Variants in KCNH7 observed in about 807,000 individuals in gnomAD.
The protein encoded by KCNH7 is voltage-gated inwardly rectifying potassium channel KCNH7.
A neutral mutation model predicts 120.8 loss-of-function variants in KCNH7; 49 were observed. The ratio of observed to expected loss-of-function variants is 0.41; its 90% CI spans 0.32 to 0.51. The LOEUF (loss-of-function observed/expected upper bound fraction) is 0.51, where lower values mean the gene tolerates loss of function less well. KCNH7 is among the 20% of genes least tolerant of loss of function. KCNH7 has a pLI of 0.38. For missense variants in KCNH7, 1,097 were observed against 1,446.6 expected, an observed-to-expected ratio of 0.76 and a Z score of 3.92; for synonymous variants, 547 against 516.1, an observed-to-expected ratio of 1.06 and a Z score of -0.81.
At chr2:162,767,931 G>A (rs1395242517) in intron 2 of KCNH7, among the ~76,000 whole-genome samples, 1 of 152,140 alleles carries the variant, frequency 6.6e-6, no homozygotes, top group Non-Finnish European at 1.5e-5. Flanking sequence ...GTCCTATGCT[G>A]TAAATTGAAA....
chr2:162,547,249 C>A (rs1433521126), intron 2 of KCNH7, among the ~76,000 whole-genome samples: 2 of 152,114 alleles, frequency 1.3e-5, no homozygotes, highest in Non-Finnish European at 2.9e-5. Flanking sequence ...CTCTTCCCAC[C>A]AGGTCTCTCT....
chr2:162,633,653 T>G (rs1020896105), intron 2 of KCNH7, among the ~76,000 whole-genome samples: 2 of 152,014 alleles, frequency 1.3e-5, no homozygotes, highest in Non-Finnish European at 2.9e-5. Flanking sequence ...AAACTGATTT[T>G]TTGCAGGTGA....
At chr2:162,546,833 A>G (rs779585382) in intron 2 of KCNH7, among the ~76,000 whole-genome samples, 5 of 151,734 alleles carry the variant, frequency 3.3e-5, no homozygotes, top group African/African-American at 7.3e-5. Context: ...AAACATGACT[A>G]AAAACAGGGA....
intron 2 of KCNH7, among the ~76,000 whole-genome samples, chr2:162,584,079 C>T (rs1417190468): frequency 6.6e-6 from 1 of 152,052 alleles, no homozygotes; most frequent in Non-Finnish European, 1.5e-5. Context: ...CAGGTCACAC[C>T]TTGCATTTAT....
At chr2:162,532,763 C>T (rs1173920516) in intron 3 of KCNH7, among the ~76,000 whole-genome samples, 1 of 151,858 alleles carries the variant, frequency 6.6e-6, no homozygotes, top group Non-Finnish European at 1.5e-5. Context: ...GAAGTATATA[C>T]ACATTATCTA....
chr2:162,652,479 C>T (rs545215317), intron 2 of KCNH7, among the ~76,000 whole-genome samples: 4 of 152,220 alleles, frequency 2.6e-5, no homozygotes, highest in Admixed American at 6.5e-5. Context: ...AACTGTTCCA[C>T]CTCAGATCAT....
At chr2:162,438,494 C>T (rs1688324959) in intron 7 of KCNH7, among the ~76,000 whole-genome samples, 1 of 152,052 alleles carries the variant, frequency 6.6e-6, no homozygotes, top group Non-Finnish European at 1.5e-5. Context: ...ACATGTATGA[C>T]AGTATTCATG....
chr2:162,512,261 A>T (rs1239054639), intron 5 of KCNH7, among the ~76,000 whole-genome samples: 1 of 151,854 alleles, frequency 6.6e-6, no homozygotes, highest in Non-Finnish European at 1.5e-5. Context: ...AAGTGAAGTG[A>T]TGCTGTCATG....
chr2:162,681,601 G>C (rs964948456), intron 2 of KCNH7, among the ~76,000 whole-genome samples: 3 of 151,584 alleles, frequency 2.0e-5, no homozygotes, highest in Admixed American at 1.3e-4. Flanking sequence ...CATACTGTTC[G>C]TGTTGGATGA....
At chr2:162,600,304 C>T (rs939226886) in intron 2 of KCNH7, among the ~76,000 whole-genome samples, 1 of 152,056 alleles carries the variant, frequency 6.6e-6, no homozygotes, top group Non-Finnish European at 1.5e-5. Context: ...TTAAATGAGA[C>T]CAAGCAGCTC....
At chr2:162,538,349 A>AT (rs1692183609) in intron 2 of KCNH7, among the ~76,000 whole-genome samples, 1 of 152,062 alleles carries the variant, frequency 6.6e-6, no homozygotes, top group African/African-American at 2.4e-5. Context: ...GATTTAGGAA[A>AT]TGTGTCCATT....
intron 2 of KCNH7, among the ~76,000 whole-genome samples, chr2:162,721,873 T>C (rs906180051): frequency 6.6e-6 from 1 of 152,072 alleles, no homozygotes; most frequent in Non-Finnish European, 1.5e-5. Flanking sequence ...GGAAAAATGA[T>C]GGCGGAATAA....
chr2:162,510,640 T>C (rs879689925), intron 5 of KCNH7, among the ~76,000 whole-genome samples: 3 of 151,668 alleles, frequency 2.0e-5, no homozygotes, highest in Non-Finnish European at 3.0e-5. Context: ...CCAAAAAATG[T>C]TTTTTGGTTG....
intron 2 of KCNH7, among the ~76,000 whole-genome samples, chr2:162,777,918 A>G (rs1009735534): frequency 1.3e-5 from 2 of 152,188 alleles, no homozygotes; most frequent in African/African-American, 4.8e-5. Context: ...CAGATTTTAT[A>G]TAATTTATAA....
At chr2:162,590,863 T>C (rs1016813534) in intron 2 of KCNH7, among the ~76,000 whole-genome samples, 4 of 152,138 alleles carry the variant, frequency 2.6e-5, no homozygotes, top group Non-Finnish European at 4.4e-5. Flanking sequence ...AATTAGAGCA[T>C]GTCATTAATG....
intron 12 of KCNH7, 98 bp from the exon 13 acceptor site, chr2:162,385,037 C>T (rs1686534170): frequency 4.4e-6 from 4 of 909,260 alleles, no homozygotes; most frequent in Non-Finnish European, 6.4e-6. Context: ...TATAAACTAG[C>T]TTTTTCCTAT....
chr2:162,676,284 A>G (rs1685527704), intron 2 of KCNH7, among the ~76,000 whole-genome samples: 1 of 151,574 alleles, frequency 6.6e-6, no homozygotes, highest in African/African-American at 2.4e-5. Context: ...TTAAGGTTTT[A>G]AAGATAACAA....
rs143495698 is a variant in KCNH7, at chr2:162,642,500, A to G, written c.308-105420T>C. Among the ~76,000 whole-genome samples the G allele has an allele frequency of 1.9e-3, 289 of 152,328 alleles. 1 individual carries two copies. The highest frequency in any genetic ancestry group is 6.5e-3 in the African/African-American group (269 of 41,582). On this transcript the variant is annotated intron_variant, in intron 2 of 15. Coordinates refer to ENST00000332142, the MANE Select transcript of KCNH7 (RefSeq NM_033272.4). ...CATATTTCTGAGTTACTTAAATGAA[A>G]GATTCTCAGTTTAGCTAATCACAGT...
Position 162,469,616 on chromosome 2 carries a change from C to T in KCNH7, c.1129-23173G>A, listed in dbSNP as rs115914178. On this transcript the variant is annotated intron_variant, in intron 6 of 15. Transcript: ENST00000332142. ...CCGGTGGGGTGAGAGCTGTGGTCCTCGAGCCTTTTTTATGCATAAGGACTA... is the reference window on the plus strand; with the variant it reads ...CCGGTGGGGTGAGAGCTGTGGTCCTTGAGCCTTTTTTATGCATAAGGACTA... Among the ~76,000 whole-genome samples the T allele has an allele frequency of 1.6e-4, 24 of 152,204 alleles. No individual in the cohort carries two copies. The East Asian group carries it at 3.1e-3, about 20-fold the overall frequency.
Sources: allele counts gnomAD v4.1 joint callset (sites outside exome capture counted in the v4.1 genomes callset), GRCh38; gene constraint gnomAD v4.1.1; transcripts MANE v1.5; gene names NCBI Gene and HGNC (gene_info 2026-07-23, HGNC 2026-07-21).